The following TFDP2 variants were observed in gnomAD, a reference collection of about 807,000 sequenced individuals.
TFDP2 encodes the protein transcription factor Dp-2 (E2F dimerization partner 2).
Under a neutral mutation model 59.3 loss-of-function variants are expected in TFDP2, and 17 were observed. The observed-to-expected ratio is 0.29, with a 90% CI of 0.20 to 0.43. The LOEUF (loss-of-function observed/expected upper bound fraction) is 0.43. Ranked by LOEUF, TFDP2 falls within the 20% of genes least tolerant of loss-of-function variation. TFDP2 has a pLI of 1.00. For synonymous variants in TFDP2, 180 were observed against 194.7 expected (o/e 0.92, Z 0.63); for missense variants, 391 against 528.8 (o/e 0.74, Z 2.56).
intron 1 of TFDP2, among the ~76,000 whole-genome samples, chr3:142,124,001 T>G (rs57008447): frequency 0.23 from 35,514 of 151,842 alleles, 5,278 homozygotes; most frequent in African/African-American, 0.41. Flanking sequence ...TAATAACAAC[T>G]ATGTAAAGAC....
chr3:141,975,685 C>T (rs1940527788), intron 7 of TFDP2, among the ~76,000 whole-genome samples: 1 of 128,666 alleles, frequency 7.8e-6, no homozygotes, highest in Non-Finnish European at 1.6e-5. Flanking sequence ...CAGAGCTAGA[C>T]TCTGTCTCAA....
intron 3 of TFDP2, among the ~76,000 whole-genome samples, chr3:142,060,264 T>C (rs1037496297): frequency 6.6e-6 from 1 of 152,188 alleles, no homozygotes; most frequent in Non-Finnish European, 1.5e-5. Context: ...CACTTCAGCC[T>C]CCCAAAGCAT....
rs558171075 is a variant in TFDP2 at position 142,128,572 on chromosome 3, AAAC to A, written c.-93+20608_-93+20610del. Among the ~76,000 whole-genome samples, 4 of 152,298 alleles carry A rather than the reference AAAC, an allele frequency of 2.6e-5. No individual in the cohort carries two copies. In the South Asian group the frequency reaches 6.2e-4, roughly 24 times the overall value. The stretch of plus-strand genomic sequence containing the variant: ...TCTGAACAGATGGCCAAAGTTTACT[AAAC>A]AACTGAGGAAAATCTCTAACATGAA... On this transcript the variant is annotated intron_variant, in intron 1 of 12. Transcript: ENST00000489671.
At position 142,107,714 on chromosome 3, in the gene TFDP2, TC is replaced by T. The variant is rs547022575; in HGVS notation, c.-92-5874del. Among the ~76,000 whole-genome samples the T allele has an allele frequency of 1.4e-4, 21 of 152,250 alleles. No individual in the cohort carries two copies. The South Asian group carries it at 4.4e-3, about 32-fold the overall frequency. On this transcript the variant is annotated intron_variant, in intron 1 of 12. Coordinates refer to ENST00000489671, the MANE Select transcript of TFDP2 (RefSeq NM_001178139.2). ...CAGTTTTAGAGAGTTCAAGCAATTT[TC>T]CCAGTTAACCAACTGTACAAATTAC...
intron 1 of TFDP2, among the ~76,000 whole-genome samples, chr3:142,118,396 G>A (rs1005881186): frequency 2.0e-5 from 3 of 152,070 alleles, no homozygotes; most frequent in South Asian, 2.1e-4. Context: ...AAAACAAACC[G>A]TGAGGTTGAA....
intron 3 of TFDP2, among the ~76,000 whole-genome samples, chr3:142,023,122 C>CAAAAAAAAAAAAAAAAAAAAAAAAAAAAA (rs765096570): frequency 1.7e-5 from 1 of 59,600 alleles, no homozygotes; most frequent in Non-Finnish European, 2.7e-5. Context: ...CCCTCCGTCT[C>CAAAAAAAAAAAAAAAAAAAAAAAAAAAAA]AAAAAAAAAA....
Position 142,149,223 on chromosome 3 carries a change from T to G in TFDP2, c.-133A>C. The G allele has an allele frequency of 2.5e-6, 1 of 397,554 alleles. No homozygotes were observed. The allele number at this position is 397,554 out of a possible 1,614,324, so 24.6% of individuals were successfully genotyped here. On this transcript the variant is annotated 5_prime_UTR_variant, in exon 1 of 13. Transcript: ENST00000489671. The stretch of plus-strand genomic sequence containing the variant: ...AAGAACTGGCGGCCAAGCGAGGCTG[T>G]CGGGCCGAGCCAGGAGCGCGTCTTC...
intron 3 of TFDP2, among the ~76,000 whole-genome samples, chr3:142,040,357 C>T (rs912093692): frequency 6.6e-5 from 10 of 152,168 alleles, no homozygotes; most frequent in African/African-American, 2.4e-4. Context: ...CTTTGGGAAG[C>T]TTAGGCAGAA....
At chr3:142,052,474 G>C (rs943859084) in intron 3 of TFDP2, among the ~76,000 whole-genome samples, 66 of 152,240 alleles carry the variant, frequency 4.3e-4, no homozygotes, top group Middle Eastern at 3.4e-3. Flanking sequence ...GAACCCAGGA[G>C]ACGGAGCTTG....
rs941244836 is a variant in TFDP2 at position 142,085,651 on chromosome 3, G to A, written c.82+7410C>T. ...TCCCCTGCCAACTGTACATCTGAGC[G>A]CAAGGACAAGGGAAGCTGGAAACAG... On this transcript the variant is annotated intron_variant, in intron 3 of 12. Coordinates refer to ENST00000489671, the MANE Select transcript of TFDP2 (RefSeq NM_001178139.2). Among the ~76,000 whole-genome samples, 12 of 152,146 alleles carry A rather than the reference G, an allele frequency of 7.9e-5. No homozygotes were observed. In the East Asian group the frequency reaches 1.2e-3, roughly 15 times the overall value.
intron 4 of TFDP2, among the ~76,000 whole-genome samples, chr3:142,001,193 A>T (rs1380757568): frequency 6.6e-6 from 1 of 152,188 alleles, no homozygotes; most frequent in East Asian, 1.9e-4. Context: ...GGTGGAAGTT[A>T]TCATACCCCG....
chr3:142,043,790 T>C lies in TFDP2; in HGVS notation c.83-38246A>G, dbSNP rs867023795. Reference sequence around the variant, plus strand: ...GCCTTGTCTGCCTTCAGCTTGTGGATGTGCTCCATGAGAATCCGCTTGTTT... The same window carrying C: ...GCCTTGTCTGCCTTCAGCTTGTGGACGTGCTCCATGAGAATCCGCTTGTTT... On this transcript the variant is annotated intron_variant, in intron 3 of 12. Coordinates refer to ENST00000489671, the MANE Select transcript of TFDP2 (RefSeq NM_001178139.2). 2.5e-6 allele frequency: 4 copies of C among 1,597,388 alleles called. No individual in the cohort carries two copies. The African/African-American group carries it at 4.0e-5, about 16-fold the overall frequency.
chr3:141,986,958 T>A (rs887894257), intron 6 of TFDP2, among the ~76,000 whole-genome samples: 4 of 152,206 alleles, frequency 2.6e-5, no homozygotes, highest in Non-Finnish European at 5.9e-5. Context: ...AATAAAAAAA[T>A]TCTGTTCATT....
intron 1 of TFDP2, among the ~76,000 whole-genome samples, chr3:142,140,652 A>T (rs974967086): frequency 1.3e-5 from 2 of 152,198 alleles, no homozygotes; most frequent in African/African-American, 4.8e-5. Flanking sequence ...AGTTTGCTGG[A>T]GGTCCACTCC....
At chr3:142,010,750 AC>A (rs1944605812) in intron 3 of TFDP2, among the ~76,000 whole-genome samples, 2 of 150,224 alleles carry the variant, frequency 1.3e-5, no homozygotes, top group Non-Finnish European at 3.0e-5. Flanking sequence ...CAAGAAAAAA[AC>A]AAACAACCCC....
At chr3:142,126,713 G>A (rs1260997993) in intron 1 of TFDP2, among the ~76,000 whole-genome samples, 2 of 152,054 alleles carry the variant, frequency 1.3e-5, no homozygotes, top group African/African-American at 4.8e-5. Flanking sequence ...TTGGGAGGCT[G>A]AGGCGGGCAG....
intron 1 of TFDP2, among the ~76,000 whole-genome samples, chr3:142,131,053 CAAAAAAAA>C (rs1223900505): frequency 1.3e-5 from 1 of 79,434 alleles, no homozygotes; most frequent in Non-Finnish European, 2.5e-5. Flanking sequence ...AACTACGTCT[CAAAAAAAA>C]AAAAAAAAGG....
intron 3 of TFDP2, among the ~76,000 whole-genome samples, chr3:142,039,269 T>C (rs1187510869): frequency 1.3e-5 from 2 of 152,204 alleles, no homozygotes; most frequent in African/African-American, 4.8e-5. Context: ...ACAGTGCCAA[T>C]ATTTATTTTT....
At chr3:142,005,755 T>A (rs1944157752) in intron 3 of TFDP2, among the ~76,000 whole-genome samples, 1 of 152,218 alleles carries the variant, frequency 6.6e-6, no homozygotes. Flanking sequence ...ATAACTAATC[T>A]TATTTATATT....
Sources: allele counts gnomAD v4.1 joint callset (sites outside exome capture counted in the v4.1 genomes callset), GRCh38; gene constraint gnomAD v4.1.1; transcripts MANE v1.5; gene names NCBI Gene and HGNC (gene_info 2026-07-23, HGNC 2026-07-21).